The following ANKS1B variants were observed in gnomAD, a reference collection of about 807,000 sequenced individuals.
ANKS1B encodes the protein ankyrin repeat and sterile alpha motif domain containing 1B.
Under a neutral mutation model 148.3 loss-of-function variants are expected in ANKS1B, and 36 were observed. That is an observed-to-expected ratio of 0.24 (90% CI 0.19 to 0.32). The LOEUF (loss-of-function observed/expected upper bound fraction) is 0.32, where lower values mean the gene tolerates loss of function less well. Ranked by LOEUF, ANKS1B falls within the 10% of genes least tolerant of loss-of-function variation. ANKS1B has a pLI of 1.00. For missense variants in ANKS1B, 1,157 were observed against 1,542.6 expected, an observed-to-expected ratio of 0.75 and a Z score of 4.19; for synonymous variants, 542 against 560.8, an observed-to-expected ratio of 0.97 and a Z score of 0.47.
At chr12:99,881,938 A>G (rs1195105569) in intron 1 of ANKS1B, among the ~76,000 whole-genome samples, 2 of 152,238 alleles carry the variant, frequency 1.3e-5, no homozygotes, top group East Asian at 3.8e-4. Flanking sequence ...AAAATTTCAA[A>G]TTACATAGAG....
chr12:99,848,271 C>A (rs2087046086), intron 1 of ANKS1B, among the ~76,000 whole-genome samples: 1 of 152,102 alleles, frequency 6.6e-6, no homozygotes. Context: ...TCCTCCTTGT[C>A]CCTCCTCCCT....
chr12:99,342,380 C>T (rs1228892980), intron 12 of ANKS1B, among the ~76,000 whole-genome samples: 1 of 151,810 alleles, frequency 6.6e-6, no homozygotes, highest in Non-Finnish European at 1.5e-5. Context: ...ATGAGATGTC[C>T]TGGAGGTTGA....
At position 99,125,215 on chromosome 12, in the gene ANKS1B, G is replaced by A. The variant is rs140046427; in HGVS notation, c.2526+29074C>T. On this transcript the variant is annotated intron_variant, in intron 15 of 26. Coordinates refer to ENST00000683438, the MANE Select transcript of ANKS1B (RefSeq NM_001352186.2). ...TTGAGTAGACAAGAGGGGCCACATA[G>A]TTTAAATGTGGGAAATTTCATTCAT... Among the ~76,000 whole-genome samples, 298 of 152,294 alleles carry A rather than the reference G, an allele frequency of 2.0e-3. 1 individual carries two copies. The highest frequency in any genetic ancestry group is 3.9e-3 in the South Asian group (19 of 4,830).
intron 17 of ANKS1B, among the ~76,000 whole-genome samples, chr12:98,849,747 T>C (rs2099511576): frequency 6.6e-6 from 1 of 152,224 alleles, no homozygotes; most frequent in African/African-American, 2.4e-5. Flanking sequence ...AAAGACCGTC[T>C]TAATTTTAAA....
intron 8 of ANKS1B, among the ~76,000 whole-genome samples, chr12:99,666,845 T>A (rs776881463): frequency 6.8e-6 from 1 of 146,488 alleles, no homozygotes; most frequent in Non-Finnish European, 1.5e-5. Context: ...TCACGTCATA[T>A]AGTTACTATG....
intron 9 of ANKS1B, among the ~76,000 whole-genome samples, chr12:99,600,347 C>T (rs376195076): frequency 7.2e-5 from 11 of 151,878 alleles, no homozygotes; most frequent in Non-Finnish European, 1.2e-4. Flanking sequence ...TTTTTCATCC[C>T]GTGACTACTC....
intron 17 of ANKS1B, among the ~76,000 whole-genome samples, chr12:98,840,313 A>T (rs1227023249): frequency 6.6e-6 from 1 of 152,142 alleles, no homozygotes; most frequent in Non-Finnish European, 1.5e-5. Context: ...AATCCCTCTG[A>T]CTACAGTTTC....
At chr12:99,115,918 G>A (rs2061287331) in intron 15 of ANKS1B, among the ~76,000 whole-genome samples, 2 of 140,702 alleles carry the variant, frequency 1.4e-5, no homozygotes, top group Non-Finnish European at 3.0e-5. Flanking sequence ...GGCAACAAGA[G>A]CGAGACTCCG....
intron 1 of ANKS1B, among the ~76,000 whole-genome samples, chr12:99,948,357 T>A (rs1315474320): frequency 6.6e-6 from 1 of 150,930 alleles, no homozygotes; most frequent in Non-Finnish European, 1.5e-5. Flanking sequence ...ATGCCTTTTA[T>A]TGGAGATTTG....
chr12:99,317,339 T>C (rs1013455976), intron 12 of ANKS1B, among the ~76,000 whole-genome samples: 1 of 152,222 alleles, frequency 6.6e-6, no homozygotes, highest in Non-Finnish European at 1.5e-5. Flanking sequence ...TTTTATTTCA[T>C]TGAGCAGTGG....
At chr12:99,736,417 C>CCTT (rs2059621508) in intron 8 of ANKS1B, among the ~76,000 whole-genome samples, 1 of 151,664 alleles carries the variant, frequency 6.6e-6, no homozygotes, top group Non-Finnish European at 1.5e-5. Context: ...GACGCAAAAT[C>CCTT]AGCACACAAA....
At chr12:99,215,922 T>C (rs1198755281) in intron 14 of ANKS1B, among the ~76,000 whole-genome samples, 1 of 152,110 alleles carries the variant, frequency 6.6e-6, no homozygotes, top group South Asian at 2.1e-4. Context: ...GACAAGAGAT[T>C]TGGAAGGGGC....
intron 1 of ANKS1B, among the ~76,000 whole-genome samples, chr12:99,951,468 CCAGT>C (rs1308871923): frequency 6.6e-6 from 1 of 152,164 alleles, no homozygotes; most frequent in African/African-American, 2.4e-5. Context: ...CTAGAATCTA[CCAGT>C]CAGTCAGGCA....
At chr12:99,699,964 CT>C (rs1353186120) in intron 8 of ANKS1B, among the ~76,000 whole-genome samples, 1 of 152,062 alleles carries the variant, frequency 6.6e-6, no homozygotes, top group African/African-American at 2.4e-5. Context: ...AAAGGTTTTC[CT>C]TTCTCAGTCT....
intron 8 of ANKS1B, among the ~76,000 whole-genome samples, chr12:99,679,112 T>C (rs2153479925): frequency 6.6e-6 from 1 of 152,312 alleles, no homozygotes. Context: ...AAATGAACCC[T>C]GATAGGTATC....
intron 1 of ANKS1B, among the ~76,000 whole-genome samples, chr12:99,972,648 T>C (rs2095573768): frequency 6.6e-6 from 1 of 152,086 alleles, no homozygotes; most frequent in Non-Finnish European, 1.5e-5. Context: ...AATGGCAAGG[T>C]GAAGTAGTTA....
chr12:99,977,857 A>G (rs1299498622), intron 1 of ANKS1B, among the ~76,000 whole-genome samples: 1 of 152,238 alleles, frequency 6.6e-6, no homozygotes, highest in Non-Finnish European at 1.5e-5. Flanking sequence ...ACATATGATG[A>G]GTAATAAAAA....
intron 14 of ANKS1B, among the ~76,000 whole-genome samples, chr12:99,234,877 A>G (rs2087598564): frequency 6.6e-6 from 1 of 152,098 alleles, no homozygotes; most frequent in Non-Finnish European, 1.5e-5. Flanking sequence ...CCTACCCTTG[A>G]GAGGGAAAAA....
intron 1 of ANKS1B, among the ~76,000 whole-genome samples, chr12:99,971,947 C>A (rs1410119781): frequency 6.6e-6 from 1 of 152,180 alleles, no homozygotes; most frequent in East Asian, 1.9e-4. Flanking sequence ...ATGTGTCTAA[C>A]AAGTCCATTT....
Sources: gnomAD v4.1 joint callset for allele counts (sites outside exome capture counted in the v4.1 genomes callset) on GRCh38, gnomAD v4.1.1 for gene constraint, MANE v1.5 for transcripts, NCBI Gene and HGNC (gene_info 2026-07-23, HGNC 2026-07-21) for gene names.